PLXNA2: variants seen among roughly 807,000 people sequenced by gnomAD.
PLXNA2 encodes the protein plexin A2.
In PLXNA2, 91 loss-of-function variants were observed where a neutral mutation model predicts 193.5. The ratio of observed to expected loss-of-function variants is 0.47; its 90% CI spans 0.40 to 0.56. The LOEUF is 0.56. Ranked by LOEUF, PLXNA2 falls within the 20% of genes least tolerant of loss-of-function variation. PLXNA2 has a pLI of 0.00. For missense variants in PLXNA2, 1,995 were observed against 2,503.2 expected (o/e 0.80, Z 4.33); for synonymous variants, 997 against 1,027.3 (o/e 0.97, Z 0.56).
chr1:208,052,280 A>G (rs777408811), intron 15 of PLXNA2, 47 bp downstream of exon 15: 2 of 1,595,798 alleles, frequency 1.3e-6, no homozygotes, highest in Non-Finnish European at 1.7e-6. Context: ...TGAACAGCAC[A>G]TGTCCCAGAT....
At position 208,034,601 on chromosome 1, in the gene PLXNA2, G is replaced by C. The variant is rs1181721760; in HGVS notation, c.4765-9C>G. 5 of 1,537,790 alleles carry C rather than the reference G, an allele frequency of 3.3e-6. No homozygotes were observed. The Admixed American group carries it at 8.3e-5, about 26-fold the overall frequency. Reference sequence around the variant, plus strand: ...ACCGACCTGTCTGACACCTGAGAAGGGTACAAAAGGTACAGTACAAAAGGT... The same window carrying C: ...ACCGACCTGTCTGACACCTGAGAAGCGTACAAAAGGTACAGTACAAAAGGT... On this transcript the variant is annotated splice_polypyrimidine_tract_variant and intron_variant, in intron 26 of 31. Transcript: ENST00000367033.
At chr1:208,037,288 G>A (rs1664699829) in intron 26 of PLXNA2, among the ~76,000 whole-genome samples, 1 of 152,320 alleles carries the variant, frequency 6.6e-6, no homozygotes, top group East Asian at 1.9e-4. Flanking sequence ...CAGGGGTCTA[G>A]GCAGGGTGTC....
rs533581207 is a variant in PLXNA2 at position 208,190,644 on chromosome 1, C to A, written c.1371+19636G>T. Among the ~76,000 whole-genome samples, 13 of 152,314 alleles carry A rather than the reference C, an allele frequency of 8.5e-5. No individual in the cohort carries two copies. The South Asian group carries it at 1.9e-3, about 22-fold the overall frequency. On this transcript the variant is annotated intron_variant, in intron 3 of 31. Coordinates refer to ENST00000367033, the MANE Select transcript of PLXNA2 (RefSeq NM_025179.4). ...GTATCCCTGGCCTCTACCCACTAGA[C>A]GCCAATAGCTCTCTTTGCCCAAGAC...
intron 13 of PLXNA2, among the ~76,000 whole-genome samples, chr1:208,058,225 CCT>C (rs1289121785): frequency 2.0e-5 from 3 of 152,190 alleles, no homozygotes; most frequent in African/African-American, 7.2e-5. Flanking sequence ...ATGTGGAGCC[CCT>C]GTCCCAGGAG....
At chr1:208,128,920 C>T (rs1025829222) in intron 4 of PLXNA2, among the ~76,000 whole-genome samples, 3 of 152,096 alleles carry the variant, frequency 2.0e-5, no homozygotes, top group African/African-American at 7.2e-5. Context: ...CCAGGATGGT[C>T]TCCTGACCTC....
At chr1:208,150,246 T>C (rs1251502984) in intron 3 of PLXNA2, among the ~76,000 whole-genome samples, 1 of 152,138 alleles carries the variant, frequency 6.6e-6, no homozygotes, top group East Asian at 1.9e-4. Flanking sequence ...TGGTCCCCAA[T>C]GAGTTGTTGG....
At chr1:208,211,749 C>T (rs528298225) in intron 2 of PLXNA2, among the ~76,000 whole-genome samples, 1 of 152,146 alleles carries the variant, frequency 6.6e-6, no homozygotes, top group South Asian at 2.1e-4. Context: ...GATCCTATCC[C>T]CTGTTCTGCT....
chr1:208,125,368 C>G (rs1667942629), intron 4 of PLXNA2, among the ~76,000 whole-genome samples: 2 of 152,208 alleles, frequency 1.3e-5, no homozygotes, highest in Admixed American at 1.3e-4. Flanking sequence ...CTCAGCATCT[C>G]TCTTCATTCC....
At chr1:208,048,725 G>T (rs1465291245) in intron 17 of PLXNA2, among the ~76,000 whole-genome samples, 1 of 152,222 alleles carries the variant, frequency 6.6e-6, no homozygotes, top group African/African-American at 2.4e-5. Context: ...ATGGCTTCCT[G>T]AGGACTAAGG....
intron 1 of PLXNA2, among the ~76,000 whole-genome samples, chr1:208,221,036 G>A (rs1671312259): frequency 6.6e-6 from 1 of 152,166 alleles, no homozygotes; most frequent in South Asian, 2.1e-4. Flanking sequence ...GATCCTGAGA[G>A]TTAGACTGAG....
intron 18 of PLXNA2, 72 bp downstream of exon 18, chr1:208,045,804 GTC>G (rs1665043169): frequency 6.4e-7 from 1 of 1,561,824 alleles, no homozygotes. Flanking sequence ...AAGAAAGAAA[GTC>G]AGGCCAGGAG....
intron 9 of PLXNA2, among the ~76,000 whole-genome samples, chr1:208,091,818 G>A (rs1471378499): frequency 6.7e-6 from 1 of 149,732 alleles, no homozygotes; most frequent in Non-Finnish European, 1.5e-5. Context: ...TGCAGTGAGC[G>A]GAGATCACGC....
chr1:208,046,269 G>T, intron 17 of PLXNA2, 152 bp from the exon 18 acceptor site: 1 of 1,041,960 alleles, frequency 9.6e-7, no homozygotes, highest in Non-Finnish European at 1.4e-6. Context: ...TCCAGGAAAG[G>T]GCAGTGAAAT....
At chr1:208,161,592 C>G (rs981077975) in intron 3 of PLXNA2, among the ~76,000 whole-genome samples, 3 of 152,164 alleles carry the variant, frequency 2.0e-5, no homozygotes, top group Non-Finnish European at 2.9e-5. Flanking sequence ...GGCCAAGGCT[C>G]TGTCCTATGG....
chr1:208,113,574 C>A (rs1194105725), intron 4 of PLXNA2, among the ~76,000 whole-genome samples: 1 of 102,986 alleles, frequency 9.7e-6, no homozygotes, highest in African/African-American at 3.7e-5. Flanking sequence ...TTTTGAGATG[C>A]GGTCTTGCTC....
At chr1:208,084,628 C>T in intron 9 of PLXNA2, 48 bp from the exon 10 acceptor site, 1 of 1,573,800 alleles carries the variant, frequency 6.4e-7, no homozygotes. Flanking sequence ...TTCATGCTGT[C>T]CTATGTGCCT....
At chr1:208,194,589 T>C (rs188245517) in intron 3 of PLXNA2, among the ~76,000 whole-genome samples, 12 of 151,932 alleles carry the variant, frequency 7.9e-5, no homozygotes, top group Middle Eastern at 3.5e-3. Flanking sequence ...CTCCATTTGA[T>C]GTGGAGTCCA....
At chr1:208,098,491 CAT>C (rs1553279434) in intron 6 of PLXNA2, among the ~76,000 whole-genome samples, 52 of 151,438 alleles carry the variant, frequency 3.4e-4, no homozygotes, top group Middle Eastern at 6.8e-3. Flanking sequence ...CACACACACA[CAT>C]GCAACTCACA....
intron 4 of PLXNA2, among the ~76,000 whole-genome samples, chr1:208,136,264 ATAAT>A (rs1668298180): frequency 6.6e-6 from 1 of 152,232 alleles, no homozygotes; most frequent in Admixed American, 6.5e-5. Flanking sequence ...GTCTTTGAGC[ATAAT>A]AAAATGTGTT....
Sources: allele counts gnomAD v4.1 joint callset (sites outside exome capture counted in the v4.1 genomes callset), GRCh38; gene constraint gnomAD v4.1.1; transcripts MANE v1.5; gene names NCBI Gene and HGNC (gene_info 2026-07-23, HGNC 2026-07-21).